Variants in CSMD3 observed in about 807,000 individuals in gnomAD.
The protein encoded by CSMD3 is CUB and sushi domain-containing protein 3.
CSMD3 carries 177 observed loss-of-function variants against 435.2 expected under a neutral mutation model. The observed-to-expected ratio is 0.41, with a 90% CI of 0.36 to 0.46. The LOEUF (loss-of-function observed/expected upper bound fraction) is 0.46, where lower values mean the gene tolerates loss of function less well. CSMD3 is among the 20% of genes least tolerant of loss of function. The pLI is 0.34. For missense variants in CSMD3, 4,265 were observed against 4,504.6 expected, an observed-to-expected ratio of 0.95 and a Z score of 1.52; for synonymous variants, 1,656 against 1,520.5, an observed-to-expected ratio of 1.09 and a Z score of -2.07.
At chr8:113,153,101 A>AAAGAAAGAAAGAAAGAAAAG (rs35085690) in intron 4 of CSMD3, among the ~76,000 whole-genome samples, 1 of 99,992 alleles carries the variant, frequency 1.0e-5, no homozygotes, top group African/African-American at 4.7e-5. Context: ...AGAAAGAAAG[A>AAAGAAAGAAAGAAAGAAAAG]AAAGAAAGAA....
chr8:112,362,702 C>T (rs978699496), intron 38 of CSMD3, among the ~76,000 whole-genome samples: 21 of 151,646 alleles, frequency 1.4e-4, no homozygotes, highest in African/African-American at 2.2e-4. Flanking sequence ...ATGATTAGAG[C>T]GCGGTGGAAC....
intron 10 of CSMD3, among the ~76,000 whole-genome samples, chr8:112,886,804 C>T (rs1246173829): frequency 6.6e-6 from 1 of 151,448 alleles, no homozygotes; most frequent in Non-Finnish European, 1.5e-5. Context: ...CCCCTGTATA[C>T]CTTAAATCAT....
At chr8:112,345,884 A>T (rs562700778) in intron 41 of CSMD3, among the ~76,000 whole-genome samples, 133 of 152,260 alleles carry the variant, frequency 8.7e-4, no homozygotes, top group African/African-American at 3.0e-3. Context: ...ATATGCCCAT[A>T]TACCTTCAAT....
chr8:112,256,906 G>A (rs1815859651), intron 61 of CSMD3, among the ~76,000 whole-genome samples: 1 of 152,056 alleles, frequency 6.6e-6, no homozygotes. Context: ...AAATGTACAA[G>A]AGATCGACCA....
rs529853905 is a variant in CSMD3, at chr8:112,588,218, A to T, written c.3716-983T>A. Among the ~76,000 whole-genome samples, 8 of 151,946 alleles carry T rather than the reference A, an allele frequency of 5.3e-5. No individual in the cohort carries two copies. The East Asian group carries it at 9.7e-4, about 18-fold the overall frequency. On this transcript the variant is annotated intron_variant, in intron 22 of 70. Transcript: ENST00000297405. ...TGTTATTTTCTAGAAATAAGATTTT[A>T]AAAATAATGATTTATGGGAACAGTC... is the stretch of plus-strand genomic sequence containing the variant.
At chr8:112,347,925 T>C (rs943275047) in intron 40 of CSMD3, among the ~76,000 whole-genome samples, 2 of 152,250 alleles carry the variant, frequency 1.3e-5, no homozygotes, top group African/African-American at 4.8e-5. Context: ...TTCAAGTCTT[T>C]GAGCTGCTGA....
At chr8:112,346,501 A>G (rs1007091927) in intron 40 of CSMD3, among the ~76,000 whole-genome samples, 8 of 152,100 alleles carry the variant, frequency 5.3e-5, no homozygotes, top group Non-Finnish European at 1.2e-4. Context: ...ACGAACAAAG[A>G]CATGTGCTTT....
intron 13 of CSMD3, among the ~76,000 whole-genome samples, chr8:112,755,127 C>A (rs922019244): frequency 2.0e-5 from 3 of 151,780 alleles, no homozygotes; most frequent in East Asian, 2.0e-4. Context: ...GTCAGCAGAT[C>A]GAGACCATCT....
intron 1 of CSMD3, among the ~76,000 whole-genome samples, chr8:113,363,950 G>C (rs569030031): frequency 3.1e-4 from 47 of 152,192 alleles, no homozygotes; most frequent in African/African-American, 1.0e-3. Context: ...TATCAAACCT[G>C]AAGTTACACA....
rs76815708 is a variant in CSMD3, at chr8:113,078,309, C to A, written c.917+20447G>T. On this transcript the variant is annotated intron_variant, in intron 5 of 70. Transcript: ENST00000297405. ...TTAATTTTGCTTATGCTACTGAGAT[C>A]CCGTTAAGACAAATTAGAGATCAAA... Among the ~76,000 whole-genome samples, 709 of 152,192 alleles carry A rather than the reference C, an allele frequency of 4.7e-3. 5 individuals are homozygous for A. Among genetic ancestry groups the A allele is most frequent in the African/African-American group, 0.015 (619 of 41,528 alleles).
At chr8:112,424,128 C>A (rs1388887516) in intron 32 of CSMD3, among the ~76,000 whole-genome samples, 1 of 152,026 alleles carries the variant, frequency 6.6e-6, no homozygotes, top group Non-Finnish European at 1.5e-5. Flanking sequence ...TATCTGAATG[C>A]AAAAGGAGCT....
intron 5 of CSMD3, among the ~76,000 whole-genome samples, chr8:113,032,603 T>C (rs1042106650): frequency 1.3e-5 from 2 of 151,586 alleles, no homozygotes; most frequent in Non-Finnish European, 2.9e-5. Context: ...GAAATTGGAA[T>C]TTACGTTTAA....
chr8:113,018,920 T>C, intron 6 of CSMD3, 147 bp downstream of exon 6: 2 of 677,320 alleles, frequency 3.0e-6, no homozygotes, highest in African/African-American at 1.8e-5. Flanking sequence ...TATGATCACA[T>C]TATTGTCTCA....
At chr8:112,957,506 T>C (rs1242817179) in intron 7 of CSMD3, among the ~76,000 whole-genome samples, 1 of 147,126 alleles carries the variant, frequency 6.8e-6, no homozygotes, top group African/African-American at 2.5e-5. Flanking sequence ...CAGGCTGGAG[T>C]GCAGTGGCGC....
At chr8:112,556,169 C>A (rs923281354) in intron 25 of CSMD3, among the ~76,000 whole-genome samples, 9 of 151,684 alleles carry the variant, frequency 5.9e-5, no homozygotes, top group African/African-American at 2.2e-4. Flanking sequence ...TACCTTCCCA[C>A]CCCCACCTAC....
chr8:112,641,837 AAAAC>A (rs879863615), intron 20 of CSMD3, among the ~76,000 whole-genome samples: 5 of 152,064 alleles, frequency 3.3e-5, no homozygotes, highest in East Asian at 3.9e-4. Flanking sequence ...AAAAACATAA[AAAAC>A]AAACAAACAA....
chr8:113,295,326 T>A (rs149846840), intron 2 of CSMD3, among the ~76,000 whole-genome samples: 1 of 152,300 alleles, frequency 6.6e-6, no homozygotes, highest in Non-Finnish European at 1.5e-5. Flanking sequence ...GTTTTTTTTC[T>A]GACTCCAAAA....
intron 55 of CSMD3, 55 bp from the exon 56 acceptor site, chr8:112,291,750 T>C (rs1819782441): frequency 1.9e-6 from 2 of 1,063,820 alleles, no homozygotes; most frequent in South Asian, 1.3e-5. Flanking sequence ...CATATACCTA[T>C]ATAGATTTAT....
chr8:112,455,026 T>G (rs112464520), intron 32 of CSMD3, among the ~76,000 whole-genome samples: 3,196 of 150,432 alleles, frequency 0.021, 53 homozygotes, highest in Middle Eastern at 0.055. Flanking sequence ...TGAGACCCTA[T>G]ATTAAAAAAA....
Sources: allele counts gnomAD v4.1 joint callset (sites outside exome capture counted in the v4.1 genomes callset), GRCh38; gene constraint gnomAD v4.1.1; transcripts MANE v1.5; gene names NCBI Gene and HGNC (gene_info 2026-07-23, HGNC 2026-07-21).